PAX1: variants seen among roughly 807,000 people sequenced by gnomAD.
PAX1 encodes paired box 1.
In PAX1, 18 loss-of-function variants were observed where a neutral mutation model predicts 35.6. The ratio of observed to expected loss-of-function variants is 0.50; its 90% confidence interval spans 0.35 to 0.75. The LOEUF is 0.75. Ranked by LOEUF, PAX1 falls within the 30% of genes least tolerant of loss-of-function variation. The pLI, the probability that PAX1 is intolerant of heterozygous loss-of-function variation, is 0.01. For synonymous variants in PAX1, 397 were observed against 305.2 expected (o/e 1.30, Z -3.14); for missense variants, 760 against 661.5 (o/e 1.15, Z -1.63).
chr20:21,709,262 C>T lies in PAX1; in HGVS notation c.1100C>T (p.Ala367Val). The change falls in exon 4 of 5, where the codon GCC becomes GTC. Residue 367 changes from alanine to valine, a missense_variant. By Grantham distance (64) the Ala-to-Val change is moderately conservative (BLOSUM62 0). Around this residue, in one of 3 missense-constraint regions of PAX1, gnomAD observed 490 missense variants for 428.4 expected, o/e 1.14. Transcript: ENST00000613128. ...TLSAVGGFLPACAYPASNQHG... is the reference protein window; with the variant it reads ...TLSAVGGFLPVCAYPASNQHG... ...TCTGCCGTGGGCGGCTTTCTCCCCG[C>T]CTGCGCCTACCCGGCCTCCAACCAG... 1.2e-6 allele frequency: 2 copies of T among 1,606,366 alleles called. No homozygotes were observed. The highest frequency in any genetic ancestry group is 1.7e-6 in the Non-Finnish European group (2 of 1,179,730).
chr20:21,705,815 T>C lies in PAX1; in HGVS notation c.103T>C (p.Cys35Arg), dbSNP rs1301202367. The C allele has an allele frequency of 1.7e-5, 22 of 1,306,026 alleles. No individual in the cohort carries two copies. The highest frequency in any genetic ancestry group is 1.9e-5 in the Non-Finnish European group (20 of 1,027,584). The allele number at this position is 1,306,026 out of a possible 1,614,324, so 80.9% of individuals were successfully genotyped here. ...GPGAGGSALR[C>R]RAQRVSSPRL... is the part of the protein sequence containing the mutation. ...TGGAGCGGGCGGCAGCGCGCTCCGCTGCCGCGCACAGCGCGTCTCCAGCCC... is the reference window on the plus strand; with the variant it reads ...TGGAGCGGGCGGCAGCGCGCTCCGCCGCCGCGCACAGCGCGTCTCCAGCCC... The change falls in exon 1 of 5, where the codon TGC (cysteine) becomes CGC (arginine). Residue 35 changes from cysteine (C) to arginine (R), a missense_variant. Cys to Arg is a radical substitution (Grantham distance 180, BLOSUM62 -3). Transcript: ENST00000613128.
At chr20:21,712,699 C>G (rs978960282) in intron 4 of PAX1, among the ~76,000 whole-genome samples, 1 of 152,216 alleles carries the variant, frequency 6.6e-6, no homozygotes, top group Non-Finnish European at 1.5e-5. Flanking sequence ...CAGCTTCGCT[C>G]CAGTTACCTC....
chr20:21,714,475 T>C lies in PAX1; in HGVS notation c.1287T>C (p.Ala429=). 1 of 1,575,716 alleles carries C rather than the reference T, an allele frequency of 6.3e-7. No individual in the cohort carries two copies. Among genetic ancestry groups the C allele is most frequent in the Non-Finnish European group, 8.6e-7 (1 of 1,162,988 alleles). The part of the protein sequence containing the change: ...MTFKHPSREV[A]DRKPPSSGSK... ...CCTCTGTGCTTCCTCCCGCAGTGGC[T>C]GACAGGAAGCCTCCCAGCTCCGGCA... is the stretch of plus-strand genomic sequence containing the variant. Residue 429 remains alanine (A), a synonymous_variant, in exon 5 of 5, where the codon GCT becomes GCC. Coordinates refer to ENST00000613128, the MANE Select transcript of PAX1 (RefSeq NM_001257096.2).
chr20:21,714,493 C>T lies in PAX1; in HGVS notation c.1305C>T (p.Ser435=), dbSNP rs1049182969. ...SREVADRKPP[S]SGSKAPDALS... is the part of the protein sequence containing the mutation. The stretch of plus-strand genomic sequence containing the variant: ...CAGTGGCTGACAGGAAGCCTCCCAG[C>T]TCCGGCAGCAAGGCCCCGGACGCCC... The change falls in exon 5 of 5, where the codon AGC becomes AGT. Residue 435 remains serine (S), a synonymous_variant. Transcript: ENST00000613128. 5.7e-6 allele frequency: 9 copies of T among 1,588,790 alleles called. No individual in the cohort carries two copies. Among genetic ancestry groups the T allele is most frequent in the Non-Finnish European group, 6.8e-6 (8 of 1,169,680 alleles).
rs1044608213 is a variant in PAX1 at position 21,715,112 on chromosome 20, C to T, written c.*550C>T. 5 of 484,260 alleles carry T rather than the reference C, an allele frequency of 1.0e-5. No individual in the cohort carries two copies. Among genetic ancestry groups the T allele is most frequent in the Non-Finnish European group, 1.9e-5 (5 of 267,054 alleles). 30.0% of individuals were successfully genotyped at this position (484,260 alleles called of 1,614,324 possible). ...TTCTAGTCCTCTATATGCTATCAGC[C>T]CTTTTTCCTGGTCCATCCCTGTCGT... On this transcript the variant is annotated 3_prime_UTR_variant, in exon 5 of 5. Transcript: ENST00000613128.
chr20:21,711,124 C>T (rs907137636), intron 4 of PAX1, among the ~76,000 whole-genome samples: 1 of 152,220 alleles, frequency 6.6e-6, no homozygotes, highest in South Asian at 2.1e-4. Context: ...TTACACAAAT[C>T]ACTTAAATAA....
At chr20:21,707,193 C>A in intron 2 of PAX1, 126 bp downstream of exon 2, 2 of 1,200,342 alleles carry the variant, frequency 1.7e-6, no homozygotes, top group South Asian at 1.3e-5. Flanking sequence ...GGGCTCCACA[C>A]TGGCCAGGGA....
At chr20:21,714,215 G>C (rs538164219) in intron 4 of PAX1, among the ~76,000 whole-genome samples, 1 of 152,350 alleles carries the variant, frequency 6.6e-6, no homozygotes, top group South Asian at 2.1e-4. Flanking sequence ...CCAGCGGTCA[G>C]TGTTTGCAAA....
In PAX1 at chr20:21,709,328, C is replaced by A; in HGVS notation, c.1166C>A (p.Pro389Gln). The change falls in exon 4 of 5, where the codon CCG becomes CAG. Residue 389 changes from proline to glutamine, a missense_variant. Physicochemically the swap from Pro to Gln is moderately conservative, Grantham distance 76 (BLOSUM62 -1). Around this residue, in one of 3 missense-constraint regions of PAX1, gnomAD observed 490 missense variants for 428.4 expected, o/e 1.14. Coordinates refer to ENST00000613128, the MANE Select transcript of PAX1 (RefSeq NM_001257096.2). ...YSAPGGGYLAPGPPWPPAQGP... is the reference protein window; with the variant it reads ...YSAPGGGYLAQGPPWPPAQGP... The stretch of plus-strand genomic sequence containing the variant: ...GCCCCGGGCGGCGGCTACCTCGCCC[C>A]GGGCCCGCCGTGGCCGCCTGCGCAA... The A allele has an allele frequency of 1.9e-6, 3 of 1,595,544 alleles. No individual in the cohort carries two copies. Among genetic ancestry groups the A allele is most frequent in the Non-Finnish European group, 1.7e-6 (2 of 1,176,184 alleles).
Position 21,714,670 on chromosome 20 carries a change from C to A in PAX1, c.*108C>A. On this transcript the variant is annotated 3_prime_UTR_variant, in exon 5 of 5. Coordinates refer to ENST00000613128, the MANE Select transcript of PAX1 (RefSeq NM_001257096.2). ...GGCACGGGCAGGATCGGAGGACTCG[C>A]GGAGGAGGAAGCCAGTGCCGGCCCG... is the stretch of plus-strand genomic sequence containing the variant. The A allele has an allele frequency of 6.2e-7, 1 of 1,603,982 alleles. No individual in the cohort carries two copies. Among genetic ancestry groups the A allele is most frequent in the Non-Finnish European group, 8.5e-7 (1 of 1,178,122 alleles).
At chr20:21,713,748 G>A (rs1357828351) in intron 4 of PAX1, among the ~76,000 whole-genome samples, 1 of 152,178 alleles carries the variant, frequency 6.6e-6, no homozygotes, top group Non-Finnish European at 1.5e-5. Context: ...AGAGTAAGGC[G>A]CAGAATACTG....
chr20:21,714,511 G>A lies in PAX1; in HGVS notation c.1323G>A (p.Pro441=), dbSNP rs749542055. ...CTCCCAGCTCCGGCAGCAAGGCCCC[G>A]GACGCCCTCAGTAGCTTACACGGAC... is the stretch of plus-strand genomic sequence containing the variant. ...RKPPSSGSKA[P]DALSSLHGLP... is the part of the protein sequence containing the mutation. The change falls in exon 5 of 5, where the codon CCG becomes CCA. Residue 441 remains proline, a synonymous_variant. Coordinates refer to ENST00000613128, the MANE Select transcript of PAX1 (RefSeq NM_001257096.2). 1.3e-6 allele frequency: 2 copies of A among 1,594,488 alleles called. No individual in the cohort carries two copies. Among genetic ancestry groups the A allele is most frequent in the South Asian group, 2.3e-5 (2 of 88,104 alleles).
chr20:21,711,070 T>G (rs1985183988), intron 4 of PAX1, among the ~76,000 whole-genome samples: 1 of 152,250 alleles, frequency 6.6e-6, no homozygotes, highest in African/African-American at 2.4e-5. Context: ...TCTCAACAAC[T>G]GAGGTTATCT....
chr20:21,712,005 C>T (rs1985211201), intron 4 of PAX1, among the ~76,000 whole-genome samples: 1 of 152,162 alleles, frequency 6.6e-6, no homozygotes, highest in South Asian at 2.1e-4. Context: ...AACTCCTTTT[C>T]AGTAAGAAAA....
Position 21,714,493 on chromosome 20 carries a change from C to A in PAX1, c.1305C>A (p.Ser435Arg). 2 of 1,588,906 alleles carry A rather than the reference C, an allele frequency of 1.3e-6. No homozygotes were observed. Among genetic ancestry groups the A allele is most frequent in the Non-Finnish European group, 1.7e-6 (2 of 1,169,672 alleles). ...CAGTGGCTGACAGGAAGCCTCCCAG[C>A]TCCGGCAGCAAGGCCCCGGACGCCC... ...SREVADRKPPSSGSKAPDALS... is the reference protein window; with the variant it reads ...SREVADRKPPRSGSKAPDALS... Residue 435 changes from serine to arginine, a missense_variant, in exon 5 of 5, where the codon AGC becomes AGA. Ser to Arg is a moderately radical substitution (Grantham distance 110, BLOSUM62 -1). Transcript: ENST00000613128.
At position 21,709,393 on chromosome 20, in the gene PAX1, C is replaced by T. The variant is rs2122140074; in HGVS notation, c.1231C>T (p.His411Tyr). 1 of 1,554,224 alleles carries T rather than the reference C, an allele frequency of 6.4e-7. No homozygotes were observed. The highest frequency in any genetic ancestry group is 2.3e-5 in the East Asian group (1 of 42,970). ...LAPPGAGVAV[H>Y]GGELAAAMTF... is the part of the protein sequence containing the mutation. The stretch of plus-strand genomic sequence containing the variant: ...GCCCCCCGGGGCCGGCGTAGCTGTG[C>T]ATGGCGGGGAACTCGCGGCAGCAAT... The change falls in exon 4 of 5, where the codon CAT (histidine) becomes TAT (tyrosine). Residue 411 changes from histidine to tyrosine, a missense_variant. Physicochemically the swap from His to Tyr is moderately conservative, Grantham distance 83 (BLOSUM62 2). This residue lies in a region of PAX1 where 490 missense variants were observed against 428.4 expected (regional missense o/e 1.14). Coordinates refer to ENST00000613128, the MANE Select transcript of PAX1 (RefSeq NM_001257096.2).
chr20:21,714,381 A>T, intron 4 of PAX1, 90 bp from the exon 5 acceptor site: 1 of 943,994 alleles, frequency 1.1e-6, no homozygotes, highest in Non-Finnish European at 1.6e-6. Flanking sequence ...AGCGCTCACG[A>T]CCTCGCTCTG....
In PAX1 at chr20:21,717,931, G is replaced by A. The variant is rs1985426429; in HGVS notation, c.*3369G>A. ...TCTTTCCAGGAAAAACATGCATGCGGGAAAATATGTTTCTGTCTATGTGTT... is the reference window on the plus strand; with the variant it reads ...TCTTTCCAGGAAAAACATGCATGCGAGAAAATATGTTTCTGTCTATGTGTT... On this transcript the variant is annotated 3_prime_UTR_variant, in exon 5 of 5. Coordinates refer to ENST00000613128, the MANE Select transcript of PAX1 (RefSeq NM_001257096.2). 1 of 152,106 alleles carries A rather than the reference G, an allele frequency of 6.6e-6. No homozygotes were observed. The highest frequency in any genetic ancestry group is 2.4e-5 in the African/African-American group (1 of 41,398). 9.4% of individuals were successfully genotyped at this position (152,106 alleles called of 1,614,324 possible). A position where few individuals can be genotyped will look rare whatever the true frequency, so the allele number is the denominator to read the frequency against.
At position 21,718,216 on chromosome 20, in the gene PAX1, G is replaced by C. The variant is rs1985437598; in HGVS notation, c.*3654G>C. On this transcript the variant is annotated 3_prime_UTR_variant, in exon 5 of 5. Transcript: ENST00000613128. ...GGATTGTAATAACTTCCCTGCCAAAGGTAGCTGTTTTTTGGCAAGAAGTAA... is the reference window on the plus strand; with the variant it reads ...GGATTGTAATAACTTCCCTGCCAAACGTAGCTGTTTTTTGGCAAGAAGTAA... The C allele has an allele frequency of 6.6e-6, 1 of 152,236 alleles. No homozygotes were observed. The highest frequency in any genetic ancestry group is 2.4e-5 in the African/African-American group (1 of 41,458). 9.4% of individuals were successfully genotyped at this position (152,236 alleles called of 1,614,324 possible). A position where few individuals can be genotyped will look rare whatever the true frequency, so the allele number is the denominator to read the frequency against.
Sources: gnomAD v4.1 joint callset for allele counts (sites outside exome capture counted in the v4.1 genomes callset) on GRCh38, gnomAD v4.1.1 for gene constraint, gnomAD v4.1.1 regional missense constraint, MANE v1.5 for transcripts, NCBI Gene and HGNC (gene_info 2026-07-23, HGNC 2026-07-21) for gene names.